The following NFIA variants were observed in gnomAD, a reference collection of about 807,000 sequenced individuals.
NFIA encodes nuclear factor 1 A-type.
In NFIA, 8 loss-of-function variants were observed where a neutral mutation model predicts 62.8. That is an observed-to-expected ratio of 0.13 (90% CI 0.07 to 0.23). The LOEUF (loss-of-function observed/expected upper bound fraction) is 0.23. NFIA is among the 10% of genes least tolerant of loss of function. NFIA has a pLI of 1.00. For synonymous variants in NFIA, 235 were observed against 238.1 expected (o/e 0.99, Z 0.12); for missense variants, 410 against 642.1 (o/e 0.64, Z 3.91).
In NFIA at chr1:61,100,786, A is replaced by G. The variant is rs1044565468; in HGVS notation, c.559+12106A>G. 3.9e-5 allele frequency among the ~76,000 whole-genome samples: 6 copies of G among 152,082 alleles called. No individual in the cohort carries two copies. In the South Asian group the frequency reaches 6.2e-4, roughly 16 times the overall value. On this transcript the variant is annotated intron_variant, in intron 2 of 10. Coordinates refer to ENST00000403491, the MANE Select transcript of NFIA (RefSeq NM_001134673.4). ...TTAAAAAAATATTTTGTGGAGATAG[A>G]GTCTCACTACATTGCCCAGGCTGGT...
In NFIA at chr1:61,401,643, G is replaced by T. The variant is rs527349485; in HGVS notation, c.1076-2461G>T. Among the ~76,000 whole-genome samples, 3 of 152,236 alleles carry T rather than the reference G, an allele frequency of 2.0e-5. No homozygotes were observed. The East Asian group carries it at 5.8e-4, about 29-fold the overall frequency. ...CTTTCCATTGAGCACCTGAGGCAGC[G>T]GCACTTTATCTTCAAGGTCAGCCTA... On this transcript the variant is annotated intron_variant, in intron 7 of 10. Coordinates refer to ENST00000403491, the MANE Select transcript of NFIA (RefSeq NM_001134673.4).
intron 4 of NFIA, among the ~76,000 whole-genome samples, chr1:61,338,232 T>C (rs1213897989): frequency 1.3e-5 from 2 of 152,216 alleles, no homozygotes; most frequent in Non-Finnish European, 2.9e-5. Flanking sequence ...GATTTTTGGT[T>C]CCTGTTGCAG....
intron 3 of NFIA, among the ~76,000 whole-genome samples, chr1:61,302,807 G>A (rs1193710842): frequency 4.6e-5 from 7 of 152,134 alleles, no homozygotes; most frequent in Non-Finnish European, 1.0e-4. Flanking sequence ...ATTTTGTTTT[G>A]AAGGATAATT....
At chr1:61,108,905 G>T (rs1646649281) in intron 2 of NFIA, among the ~76,000 whole-genome samples, 1 of 151,690 alleles carries the variant, frequency 6.6e-6, no homozygotes, top group African/African-American at 2.4e-5. Context: ...TGTTTTTAAA[G>T]AATGCAGTCA....
chr1:61,133,220 GGCTAGC>G (rs1337891521), intron 2 of NFIA, among the ~76,000 whole-genome samples: 2 of 151,212 alleles, frequency 1.3e-5, no homozygotes, highest in African/African-American at 4.9e-5. Flanking sequence ...TGTTTTAAAA[GGCTAGC>G]TGTGTGGAGG....
rs193105816 is a variant in NFIA at position 61,124,426 on chromosome 1, G to A, written c.559+35746G>A. Among the ~76,000 whole-genome samples, 81 of 152,284 alleles carry A rather than the reference G, an allele frequency of 5.3e-4. 1 individual carries two copies. The highest frequency in any genetic ancestry group is 1.9e-3 in the African/African-American group (78 of 41,560). On this transcript the variant is annotated intron_variant, in intron 2 of 10. Transcript: ENST00000403491. ...ATATGGGTGCACAAAAACAGGAAAA[G>A]TCAATTCTGTCTGGTGTAGACAGGA... is the stretch of plus-strand genomic sequence containing the variant.
At position 61,455,489 on chromosome 1, in the gene NFIA, C is replaced by A. The variant is rs1668260563; in HGVS notation, c.*169C>A. ...GGAAACAGCAAGCATTATGGTCAAA[C>A]AGCAAAGGCCATAACCTTTTGGGAT... On this transcript the variant is annotated 3_prime_UTR_variant, in exon 11 of 11. Transcript: ENST00000403491. 2 of 1,046,366 alleles carry A rather than the reference C, an allele frequency of 1.9e-6. No homozygotes were observed. The highest frequency in any genetic ancestry group is 2.8e-6 in the Non-Finnish European group (2 of 702,742). The allele number at this position is 1,046,366 out of a possible 1,614,324, so 64.8% of individuals were successfully genotyped here. A position where few individuals can be genotyped will look rare whatever the true frequency, so the allele number is the denominator to read the frequency against.
At chr1:61,393,765 C>T (rs1665130730) in intron 7 of NFIA, among the ~76,000 whole-genome samples, 1 of 152,092 alleles carries the variant, frequency 6.6e-6, no homozygotes, top group South Asian at 2.1e-4. Flanking sequence ...ATAATAGCTA[C>T]CCCCAGGAGA....
chr1:61,149,404 C>T (rs1648243857), intron 2 of NFIA, among the ~76,000 whole-genome samples: 1 of 152,166 alleles, frequency 6.6e-6, no homozygotes, highest in South Asian at 2.1e-4. Flanking sequence ...CCAGACTATA[C>T]TTAGTGCTTT....
intron 3 of NFIA, among the ~76,000 whole-genome samples, chr1:61,317,326 A>T (rs1056341299): frequency 6.6e-6 from 1 of 152,150 alleles, no homozygotes; most frequent in Admixed American, 6.6e-5. Context: ...TCCCAAAAAT[A>T]TAAGACCAAA....
intron 9 of NFIA, among the ~76,000 whole-genome samples, chr1:61,413,104 A>G (rs949266339): frequency 3.3e-5 from 5 of 152,300 alleles, no homozygotes; most frequent in African/African-American, 1.2e-4. Context: ...AGACCTATCA[A>G]TATGTTTCTC....
intron 2 of NFIA, among the ~76,000 whole-genome samples, chr1:61,119,967 G>A (rs544575268): frequency 6.6e-6 from 1 of 152,268 alleles, no homozygotes; most frequent in South Asian, 2.1e-4. Flanking sequence ...TTAGAGGGTT[G>A]GTAGTTCATT....
chr1:61,108,141 A>C (rs996995353), intron 2 of NFIA, among the ~76,000 whole-genome samples: 1 of 151,646 alleles, frequency 6.6e-6, no homozygotes, highest in Non-Finnish European at 1.5e-5. Context: ...TATTCCATAT[A>C]TATCATGGCA....
intron 5 of NFIA, among the ~76,000 whole-genome samples, chr1:61,358,697 C>T (rs201673118): frequency 6.6e-6 from 1 of 152,094 alleles, no homozygotes; most frequent in East Asian, 1.9e-4. Flanking sequence ...CCAATCCAAG[C>T]TTTTCCTGAA....
At chr1:61,083,263 C>G (rs1022834668) in intron 1 of NFIA, among the ~76,000 whole-genome samples, 1 of 152,020 alleles carries the variant, frequency 6.6e-6, no homozygotes, top group Admixed American at 6.5e-5. Context: ...AGGGGGCCGC[C>G]GACGGAGCCC....
intron 2 of NFIA, among the ~76,000 whole-genome samples, chr1:61,194,151 T>C (rs1319790376): frequency 6.6e-6 from 1 of 152,186 alleles, no homozygotes; most frequent in Admixed American, 6.5e-5. Flanking sequence ...TAGATGACCT[T>C]GGTTTTAAAC....
At chr1:61,311,400 AAAAAACAAAC>A (rs1360903961) in intron 3 of NFIA, among the ~76,000 whole-genome samples, 2 of 100,098 alleles carry the variant, frequency 2.0e-5, no homozygotes, top group Non-Finnish European at 4.6e-5. Context: ...TCAAAAAAAC[AAAAAACAAAC>A]AAAAAAAACA....
intron 2 of NFIA, among the ~76,000 whole-genome samples, chr1:61,204,670 C>G (rs952090941): frequency 2.6e-5 from 4 of 152,030 alleles, no homozygotes; most frequent in African/African-American, 4.8e-5. Flanking sequence ...TTCTGCCCCC[C>G]CCACCCTTGG....
intron 2 of NFIA, among the ~76,000 whole-genome samples, chr1:61,271,566 A>G (rs1409300699): frequency 6.6e-6 from 1 of 152,148 alleles, no homozygotes; most frequent in African/African-American, 2.4e-5. Flanking sequence ...AGCAGCTGGC[A>G]GCCCCCAGGG....
Sources: gnomAD v4.1 joint callset for allele counts (sites outside exome capture counted in the v4.1 genomes callset) on GRCh38, gnomAD v4.1.1 for gene constraint, MANE v1.5 for transcripts, NCBI Gene and HGNC (gene_info 2026-07-23, HGNC 2026-07-21) for gene names.